The following CSMD3 variants were observed in gnomAD, a reference collection of about 807,000 sequenced individuals.
CSMD3 encodes the protein CUB and Sushi multiple domains 3.
Under a neutral mutation model 435.2 loss-of-function variants are expected in CSMD3, and 177 were observed. The observed-to-expected ratio is 0.41, with a 90% confidence interval of 0.36 to 0.46. The LOEUF is 0.46. Ranked by LOEUF, CSMD3 falls within the 20% of genes least tolerant of loss-of-function variation. The pLI is 0.34. For synonymous variants in CSMD3, 1,656 were observed against 1,520.5 expected, an observed-to-expected ratio of 1.09 and a Z score of -2.07; for missense variants, 4,265 against 4,504.6, an observed-to-expected ratio of 0.95 and a Z score of 1.52.
chr8:113,196,389 G>A (rs1301753526), intron 3 of CSMD3, among the ~76,000 whole-genome samples: 1 of 151,182 alleles, frequency 6.6e-6, no homozygotes, highest in African/African-American at 2.4e-5. Context: ...GGGAAAGGTG[G>A]GCAGATTGGG....
chr8:112,928,222 G>A (rs557090944), intron 9 of CSMD3, among the ~76,000 whole-genome samples: 2 of 152,228 alleles, frequency 1.3e-5, no homozygotes, highest in Admixed American at 6.6e-5. Flanking sequence ...ATTGTTCAGA[G>A]AGAAACGCAA....
chr8:112,965,765 CTT>C (rs1389376498), intron 7 of CSMD3, among the ~76,000 whole-genome samples: 3 of 151,742 alleles, frequency 2.0e-5, no homozygotes, highest in Admixed American at 6.6e-5. Flanking sequence ...TATTTTTTCT[CTT>C]CTTTCTTCTT....
intron 6 of CSMD3, among the ~76,000 whole-genome samples, chr8:112,997,168 T>C (rs999293329): frequency 1.3e-5 from 2 of 151,712 alleles, no homozygotes; most frequent in African/African-American, 4.8e-5. Context: ...TTAGTGATAA[T>C]GGTGAAAACA....
At chr8:113,032,389 C>T (rs2087150224) in intron 5 of CSMD3, among the ~76,000 whole-genome samples, 1 of 151,470 alleles carries the variant, frequency 6.6e-6, no homozygotes, top group African/African-American at 2.4e-5. Context: ...TGACTGGGAA[C>T]TGGAGCAAAG....
intron 2 of CSMD3, among the ~76,000 whole-genome samples, chr8:113,293,417 T>C (rs1284296289): frequency 2.6e-5 from 4 of 152,034 alleles, no homozygotes; most frequent in Non-Finnish European, 4.4e-5. Flanking sequence ...AGTGACTGTA[T>C]TGCTTTGAGG....
At position 113,345,234 on chromosome 8, in the gene CSMD3, A is replaced by G. The variant is rs186616253; in HGVS notation, c.179-30441T>C. Among the ~76,000 whole-genome samples, 8 of 152,268 alleles carry G rather than the reference A, an allele frequency of 5.3e-5. No individual in the cohort carries two copies. In the East Asian group the frequency reaches 1.5e-3, roughly 29 times the overall value. On this transcript the variant is annotated intron_variant, in intron 1 of 70. Transcript: ENST00000297405. ...CCTACTTTAATATTACATTCAAGAG[A>G]TAAGTACTGTGAAAGGTTAATTGAT...
chr8:112,458,194 TAC>T (rs1317375602), intron 32 of CSMD3, among the ~76,000 whole-genome samples: 4 of 95,008 alleles, frequency 4.2e-5, no homozygotes, highest in Admixed American at 2.1e-4. Flanking sequence ...TTCAAATACG[TAC>T]ACACACACAC....
At chr8:113,380,281 C>A (rs534922190) in intron 1 of CSMD3, among the ~76,000 whole-genome samples, 1 of 152,210 alleles carries the variant, frequency 6.6e-6, no homozygotes, top group Admixed American at 6.5e-5. Flanking sequence ...TAACAGGACA[C>A]TTCTTTTCAA....
rs527254110 is a variant in CSMD3, at chr8:112,834,072, C to A, written c.1756-4283G>T. On this transcript the variant is annotated intron_variant, in intron 11 of 70. Coordinates refer to ENST00000297405, the MANE Select transcript of CSMD3 (RefSeq NM_198123.2). ...ATCATATCCTAAAGACTTTGGACACCCATTTAATGGTAGATTTTATTTTGC... is the reference window on the plus strand; with the variant it reads ...ATCATATCCTAAAGACTTTGGACACACATTTAATGGTAGATTTTATTTTGC... Among the ~76,000 whole-genome samples the A allele has an allele frequency of 6.6e-5, 10 of 151,912 alleles. No individual in the cohort carries two copies. In the South Asian group the frequency reaches 1.9e-3, roughly 28 times the overall value.
chr8:112,281,671 A>C (rs1415356106), intron 58 of CSMD3, among the ~76,000 whole-genome samples: 1 of 152,168 alleles, frequency 6.6e-6, no homozygotes. Flanking sequence ...AAGGATTATA[A>C]GAATCTCTGT....
chr8:112,753,348 C>A (rs1587182673), intron 13 of CSMD3, among the ~76,000 whole-genome samples: 1 of 151,998 alleles, frequency 6.6e-6, no homozygotes, highest in African/African-American at 2.4e-5. Context: ...GCTTTTACAA[C>A]TAAAATAATT....
At position 113,264,752 on chromosome 8, in the gene CSMD3, A is replaced by T. The variant is rs73335577; in HGVS notation, c.514+13840T>A. On this transcript the variant is annotated intron_variant, in intron 3 of 70. Coordinates refer to ENST00000297405, the MANE Select transcript of CSMD3 (RefSeq NM_198123.2). The stretch of plus-strand genomic sequence containing the variant: ...TAAAAGGCTATTTTCCCTAAACCTT[A>T]ATTATTTAATGTAAATATGTATGAA... Among the ~76,000 whole-genome samples, 537 of 151,780 alleles carry T rather than the reference A, an allele frequency of 3.5e-3. 2 individuals are homozygous for T. Among genetic ancestry groups the T allele is most frequent in the African/African-American group, 0.012 (500 of 41,492 alleles).
intron 9 of CSMD3, among the ~76,000 whole-genome samples, chr8:112,929,006 T>A (rs2083007082): frequency 1.4e-5 from 2 of 145,286 alleles, no homozygotes; most frequent in Admixed American, 6.9e-5. Context: ...GGTATCTCAT[T>A]GTGGTTTTGA....
intron 5 of CSMD3, among the ~76,000 whole-genome samples, chr8:113,045,196 CA>C (rs1018477386): frequency 6.7e-6 from 1 of 148,892 alleles, no homozygotes; most frequent in South Asian, 2.1e-4. Flanking sequence ...CAAACAACAA[CA>C]AAAAAACTGC....
intron 30 of CSMD3, among the ~76,000 whole-genome samples, chr8:112,503,022 A>T (rs535610592): frequency 1.2e-3 from 178 of 152,332 alleles, no homozygotes; most frequent in African/African-American, 4.0e-3. Context: ...ACACTAGCAG[A>T]AGTATTCTAA....
chr8:113,278,833 A>G, intron 2 of CSMD3, 129 bp from the exon 3 acceptor site: 1 of 624,642 alleles, frequency 1.6e-6, no homozygotes, highest in Non-Finnish European at 3.0e-6. Context: ...AAGGAATGCT[A>G]TCCAGCCAAC....
chr8:112,889,711 GA>G (rs1302437914), intron 10 of CSMD3, among the ~76,000 whole-genome samples: 1 of 151,416 alleles, frequency 6.6e-6, no homozygotes, highest in South Asian at 2.1e-4. Context: ...TTCTTCAAAA[GA>G]AAAAAATGTA....
intron 11 of CSMD3, among the ~76,000 whole-genome samples, chr8:112,833,648 G>T (rs1226131835): frequency 6.6e-6 from 1 of 151,742 alleles, no homozygotes; most frequent in Non-Finnish European, 1.5e-5. Flanking sequence ...TCATTAAATT[G>T]TACCTCATTT....
At chr8:113,188,656 G>A (rs1430022250) in intron 3 of CSMD3, among the ~76,000 whole-genome samples, 1 of 151,916 alleles carries the variant, frequency 6.6e-6, no homozygotes, top group East Asian at 1.9e-4. Flanking sequence ...ACAAGTAGAA[G>A]GGCTTGTTCC....
Sources: gnomAD v4.1 joint callset for allele counts (sites outside exome capture counted in the v4.1 genomes callset) on GRCh38, gnomAD v4.1.1 for gene constraint, MANE v1.5 for transcripts, NCBI Gene and HGNC (gene_info 2026-07-23, HGNC 2026-07-21) for gene names.